ANAPC1: variants seen among roughly 807,000 people sequenced by gnomAD.
ANAPC1 encodes the protein anaphase promoting complex subunit 1, also known as anaphase-promoting complex subunit 1.
Under a neutral mutation model 208.0 loss-of-function variants are expected in ANAPC1, and 36 were observed. The ratio of observed to expected loss-of-function variants is 0.17; its 90% CI spans 0.13 to 0.23. The LOEUF (loss-of-function observed/expected upper bound fraction) is 0.23. ANAPC1 is among the 10% of genes least tolerant of loss of function. The pLI, the probability that ANAPC1 is intolerant of heterozygous loss-of-function variation, is 1.00. For synonymous variants in ANAPC1, 378 were observed against 695.2 expected (o/e 0.54, Z 7.18); for missense variants, 942 against 2,011.6 (o/e 0.47, Z 10.17).
chr2:111,872,918 T>C, intron 5 of ANAPC1: 1 of 558,810 alleles, frequency 1.8e-6, no homozygotes, highest in Non-Finnish European at 3.2e-6. Context: ...GAGGAGTTGT[T>C]CAATGTGAAA....
intron 46 of ANAPC1, among the ~76,000 whole-genome samples, chr2:111,775,095 G>A (rs530596278): frequency 2.6e-5 from 4 of 152,176 alleles, no homozygotes; most frequent in East Asian, 1.9e-4. Flanking sequence ...GTGAAACCCC[G>A]TCTCTACTAA....
At chr2:111,856,950 T>A in intron 11 of ANAPC1, 64 bp from the exon 12 acceptor site, 1 of 1,281,704 alleles carries the variant, frequency 7.8e-7, no homozygotes, top group Admixed American at 2.0e-5. Flanking sequence ...TTAAAAGTAT[T>A]ATACTGAACA....
intron 10 of ANAPC1, among the ~76,000 whole-genome samples, chr2:111,858,918 T>TACAC (rs1469190164): frequency 1.3e-5 from 2 of 152,210 alleles, no homozygotes; most frequent in Non-Finnish European, 2.9e-5. Context: ...ATGAGCTCGT[T>TACAC]ACACAGCTTT....
intron 13 of ANAPC1, among the ~76,000 whole-genome samples, chr2:111,856,031 C>T (rs796381754): frequency 8.5e-5 from 13 of 152,234 alleles, no homozygotes; most frequent in South Asian, 4.2e-4. Flanking sequence ...GTCAGGAGAT[C>T]GAGACCACCC....
At chr2:111,844,069 G>A (rs1171967846) in intron 16 of ANAPC1, among the ~76,000 whole-genome samples, 7 of 151,704 alleles carry the variant, frequency 4.6e-5, no homozygotes, top group African/African-American at 7.3e-5. Context: ...TGATCCACCC[G>A]CCTTGGCCTC....
At chr2:111,776,238 T>C (rs1677000970) in intron 46 of ANAPC1, among the ~76,000 whole-genome samples, 1 of 151,776 alleles carries the variant, frequency 6.6e-6, no homozygotes, top group African/African-American at 2.4e-5. Context: ...CTCCTGAAAA[T>C]CAGTTTCAGG....
intron 21 of ANAPC1, 75 bp downstream of exon 21, chr2:111,831,211 T>G: frequency 6.6e-7 from 1 of 1,509,786 alleles, no homozygotes; most frequent in Non-Finnish European, 8.8e-7. Context: ...AGAAAAAAAC[T>G]TAATATCAGG....
In ANAPC1 at chr2:111,774,894, T is replaced by G. The variant is rs1404955236; in HGVS notation, c.5584+1965A>C. Reference sequence around the variant, plus strand: ...CCATAACAAAATATGAAAAAGTTAATAAAACTTTTTAAAGTTCTTAAACTT... The same window carrying G: ...CCATAACAAAATATGAAAAAGTTAAGAAAACTTTTTAAAGTTCTTAAACTT... On this transcript the variant is annotated intron_variant, in intron 46 of 47. Coordinates refer to ENST00000341068, the MANE Select transcript of ANAPC1 (RefSeq NM_022662.4). Among the ~76,000 whole-genome samples the G allele has an allele frequency of 3.4e-5, 5 of 147,320 alleles. No individual in the cohort carries two copies. In the South Asian group the frequency reaches 6.7e-4, roughly 20 times the overall value.
intron 16 of ANAPC1, 23 bp downstream of exon 16, chr2:111,847,115 T>C (rs1681135397): frequency 6.4e-7 from 1 of 1,566,600 alleles, no homozygotes; most frequent in South Asian, 1.1e-5. Flanking sequence ...TCATGTCTTA[T>C]AAATGAAACT....
rs758511170 is a variant in ANAPC1 at position 111,815,523 on chromosome 2, A to T, written c.3444T>A (p.Ala1148=). ...AAGCTGAGTCGATCTGGGAGGCAGG[A>T]GCTATCTTCAGGCCAGCAGCCACAC... is the stretch of plus-strand genomic sequence containing the variant. The part of the protein sequence containing the change: ...HNGVAAGLKI[A]PASQIDSAWI... Residue 1148 remains alanine, a synonymous_variant, in exon 28 of 48, where the codon GCT becomes GCA. Coordinates refer to ENST00000341068, the MANE Select transcript of ANAPC1 (RefSeq NM_022662.4). 3 of 206,098 alleles carry T rather than the reference A, an allele frequency of 1.5e-5. No individual in the cohort carries two copies. Among genetic ancestry groups the T allele is most frequent in the Admixed American group, 1.1e-4 (1 of 9,384 alleles). 12.8% of individuals were successfully genotyped at this position (206,098 alleles called of 1,614,324 possible).
Position 111,880,130 on chromosome 2 carries a change from T to C in ANAPC1, c.213+483A>G, listed in dbSNP as rs1227132044. ...GGCTCACGCCTGTAAACGCAGCACT[T>C]TGGGAGGCCGAGGCGGGTGGATCAC... is the stretch of plus-strand genomic sequence containing the variant. On this transcript the variant is annotated intron_variant, in intron 2 of 47. Coordinates refer to ENST00000341068, the MANE Select transcript of ANAPC1 (RefSeq NM_022662.4). 2.0e-5 allele frequency among the ~76,000 whole-genome samples: 3 copies of C among 152,092 alleles called. No homozygotes were observed. The East Asian group carries it at 5.8e-4, about 30-fold the overall frequency.
intron 16 of ANAPC1, among the ~76,000 whole-genome samples, chr2:111,846,587 T>C (rs1171213933): frequency 9.1e-6 from 1 of 109,806 alleles, no homozygotes. Flanking sequence ...TTTTTTTTTT[T>C]GAGACAGAGT....
Position 111,847,211 on chromosome 2 carries a change from A to C in ANAPC1, c.1792-13T>G. 1 of 1,604,524 alleles carries C rather than the reference A, an allele frequency of 6.2e-7. No individual in the cohort carries two copies. Among genetic ancestry groups the C allele is most frequent in the Non-Finnish European group, 8.5e-7 (1 of 1,174,770 alleles). On this transcript the variant is annotated splice_polypyrimidine_tract_variant and intron_variant, in intron 15 of 47. Coordinates refer to ENST00000341068, the MANE Select transcript of ANAPC1 (RefSeq NM_022662.4). Reference sequence around the variant, plus strand: ...CATTACTCAGTTCCTAGATGGAAACAAATGAGAAAGTAGATAAAATCTGTG... The same window carrying C: ...CATTACTCAGTTCCTAGATGGAAACCAATGAGAAAGTAGATAAAATCTGTG...
At chr2:111,836,739 T>C (rs1680490573) in intron 18 of ANAPC1, among the ~76,000 whole-genome samples, 1 of 151,456 alleles carries the variant, frequency 6.6e-6, no homozygotes, top group African/African-American at 2.4e-5. Flanking sequence ...GAGGCCAACA[T>C]GGGCAGATTA....
chr2:111,858,445 A>G lies in ANAPC1; in HGVS notation c.1263-44T>C. 3 of 1,518,492 alleles carry G rather than the reference A, an allele frequency of 2.0e-6. No homozygotes were observed. The Middle Eastern group carries it at 5.1e-4, about 260-fold the overall frequency. The allele number at this position is 1,518,492 out of a possible 1,614,324, so 94.1% of individuals were successfully genotyped here. The stretch of plus-strand genomic sequence containing the variant: ...TAAAGTAACTGTCAGCACTGGTCCA[A>G]GAATCTACCACAGTAACTATTAAAA... On this transcript the variant is annotated intron_variant, in intron 10 of 47. Transcript: ENST00000341068.
intron 13 of ANAPC1, among the ~76,000 whole-genome samples, chr2:111,852,347 G>A (rs1231623610): frequency 6.6e-6 from 1 of 151,280 alleles, no homozygotes; most frequent in Non-Finnish European, 1.5e-5. Flanking sequence ...CTATAACACA[G>A]ACATGCCAAC....
intron 6 of ANAPC1, among the ~76,000 whole-genome samples, chr2:111,869,159 C>T (rs540571996): frequency 3.3e-5 from 5 of 152,278 alleles, no homozygotes; most frequent in East Asian, 1.9e-4. Context: ...ATTCCTGTAA[C>T]GCGTAAGGAA....
chr2:111,782,249 T>A, intron 43 of ANAPC1, 120 bp downstream of exon 43: 1 of 849,342 alleles, frequency 1.2e-6, no homozygotes, highest in Non-Finnish European at 1.8e-6. Flanking sequence ...CCACAGTCAG[T>A]CTTTACAATC....
At chr2:111,831,524 T>C (rs1680130137) in intron 20 of ANAPC1, 90 bp from the exon 21 acceptor site, 1 of 1,102,256 alleles carries the variant, frequency 9.1e-7, no homozygotes, top group East Asian at 2.6e-5. Flanking sequence ...AACAGTTACT[T>C]GTCATTTTGA....
Sources: gnomAD v4.1 joint callset for allele counts (sites outside exome capture counted in the v4.1 genomes callset) on GRCh38, gnomAD v4.1.1 for gene constraint, MANE v1.5 for transcripts, NCBI Gene and HGNC (gene_info 2026-07-23, HGNC 2026-07-21) for gene names.